RASGRP3: variants seen among roughly 807,000 people sequenced by gnomAD.
RASGRP3 encodes the protein ras guanyl-releasing protein 3.
In RASGRP3, 54 loss-of-function variants were observed where a neutral mutation model predicts 82.7. That is an observed-to-expected ratio of 0.65 (90% CI 0.52 to 0.82). The LOEUF (loss-of-function observed/expected upper bound fraction) is 0.82. Among genes scored for constraint, RASGRP3 ranks in the 40% least tolerant of loss-of-function variants. The pLI is 0.00. For synonymous variants in RASGRP3, 309 were observed against 300.5 expected, an observed-to-expected ratio of 1.03 and a Z score of -0.29; for missense variants, 861 against 828.9, an observed-to-expected ratio of 1.04 and a Z score of -0.48.
At chr2:33,508,037 C>T (rs944199850) in intron 1 of RASGRP3, among the ~76,000 whole-genome samples, 11 of 152,290 alleles carry the variant, frequency 7.2e-5, no homozygotes, top group African/African-American at 2.6e-4. Flanking sequence ...GAAAGATTTA[C>T]TGATCCATTG....
intron 10 of RASGRP3, among the ~76,000 whole-genome samples, chr2:33,529,412 G>A (rs542284912): frequency 5.0e-4 from 73 of 146,014 alleles, no homozygotes; most frequent in African/African-American, 1.7e-3. Flanking sequence ...GAAGAATGGC[G>A]TGAATCCGGG....
rs1671311585 is a variant in RASGRP3 at position 33,515,016 on chromosome 2, C to A, written c.-121C>A. 3.5e-6 allele frequency: 3 copies of A among 859,050 alleles called. No homozygotes were observed. Among genetic ancestry groups the A allele is most frequent in the Non-Finnish European group, 5.7e-6 (3 of 523,976 alleles). 53.2% of individuals were successfully genotyped at this position (859,050 alleles called of 1,614,324 possible). Reference sequence around the variant, plus strand: ...CTTTTTTCTTTTTTTTTAGAGTTTTCTTGAAGTACAACTAAGGACAGGTCA... The same window carrying A: ...CTTTTTTCTTTTTTTTTAGAGTTTTATTGAAGTACAACTAAGGACAGGTCA... On this transcript the variant is annotated 5_prime_UTR_variant, in exon 3 of 18. Coordinates refer to ENST00000403687, the MANE Select transcript of RASGRP3 (RefSeq NM_001139488.2).
At chr2:33,494,073 AACTCACTATTT>A (rs1669092300) in intron 1 of RASGRP3, among the ~76,000 whole-genome samples, 1 of 152,200 alleles carries the variant, frequency 6.6e-6, no homozygotes, top group South Asian at 2.1e-4. Context: ...TTCTTTTACT[AACTCACTATTT>A]ACAACTTAGG....
At chr2:33,503,503 G>A (rs1271188102) in intron 1 of RASGRP3, among the ~76,000 whole-genome samples, 3 of 152,120 alleles carry the variant, frequency 2.0e-5, no homozygotes. Flanking sequence ...AAACAAAAGG[G>A]AATGACAAAG....
chr2:33,469,457 A>G (rs1666924378), intron 2 of RASGRP3, among the ~76,000 whole-genome samples: 1 of 149,398 alleles, frequency 6.7e-6, no homozygotes, highest in African/African-American at 2.5e-5. Context: ...TCAAGTTTGT[A>G]TGTGATTTTT....
At chr2:33,508,661 A>G (rs1670634330) in intron 1 of RASGRP3, among the ~76,000 whole-genome samples, 1 of 152,228 alleles carries the variant, frequency 6.6e-6, no homozygotes, top group Non-Finnish European at 1.5e-5. Context: ...ACGTTTATCG[A>G]GAGGAGAAAA....
In RASGRP3 at chr2:33,507,748, A is replaced by G. The variant is rs192425578; in HGVS notation, c.-260-3962A>G. 8.3e-3 allele frequency among the ~76,000 whole-genome samples: 1,264 copies of G among 151,678 alleles called. 13 individuals carry two copies. The highest frequency in any genetic ancestry group is 0.029 in the African/African-American group (1,193 of 41,334). On this transcript the variant is annotated intron_variant, in intron 1 of 17. Transcript: ENST00000403687. Reference sequence around the variant, plus strand: ...ACCATGTTGGCCAGGCTGGTCTCGAACTCCTGACCTCAAGTGATCCACCCG... The same window carrying G: ...ACCATGTTGGCCAGGCTGGTCTCGAGCTCCTGACCTCAAGTGATCCACCCG...
upstream of RASGRP3, among the ~76,000 whole-genome samples, chr2:33,472,454 G>A (rs1667112342): frequency 1.3e-5 from 2 of 152,120 alleles, no homozygotes; most frequent in African/African-American, 2.4e-5. Context: ...TGGAGGCAAG[G>A]TGATTAATTA....
At chr2:33,541,478 C>G (rs1329580658) in intron 12 of RASGRP3, among the ~76,000 whole-genome samples, 1 of 146,976 alleles carries the variant, frequency 6.8e-6, no homozygotes. Context: ...TCCTGATTGT[C>G]CTCCAGAAAT....
At chr2:33,544,275 T>C (rs992234254) in intron 13 of RASGRP3, among the ~76,000 whole-genome samples, 7 of 152,040 alleles carry the variant, frequency 4.6e-5, no homozygotes, top group Non-Finnish European at 7.4e-5. Context: ...GATAGCACCA[T>C]TGCACCCCAG....
At chr2:33,483,223 T>G in intron 1 of RASGRP3, among the ~76,000 whole-genome samples, 1 of 152,132 alleles carries the variant, frequency 6.6e-6, no homozygotes, top group African/African-American at 2.4e-5. Flanking sequence ...GATTGGTAAT[T>G]TTATTTCCTG....
At chr2:33,469,227 C>T (rs950760546) in intron 2 of RASGRP3, among the ~76,000 whole-genome samples, 6 of 151,976 alleles carry the variant, frequency 3.9e-5, no homozygotes, top group Non-Finnish European at 5.9e-5. Context: ...CTTTACCATA[C>T]GTATTTCACT....
At chr2:33,469,076 G>T (rs762895703) in intron 2 of RASGRP3, among the ~76,000 whole-genome samples, 9 of 151,992 alleles carry the variant, frequency 5.9e-5, no homozygotes, top group Non-Finnish European at 1.2e-4. Flanking sequence ...GTATCTTATC[G>T]TTGTTTAATG....
intron 1 of RASGRP3, among the ~76,000 whole-genome samples, chr2:33,492,430 G>T (rs560774459): frequency 3.0e-4 from 45 of 152,170 alleles, no homozygotes; most frequent in African/African-American, 1.1e-3. Flanking sequence ...CCAGTCCTTG[G>T]TTGAGAGCCT....
At position 33,539,176 on chromosome 2, in the gene RASGRP3, C is replaced by T. The variant is rs200573011; in HGVS notation, c.1244C>T (p.Thr415Met). 15 of 1,609,946 alleles carry T rather than the reference C, an allele frequency of 9.3e-6. No individual in the cohort carries two copies. The highest frequency in any genetic ancestry group is 4.0e-5 in the African/African-American group (3 of 74,882). Residue 415 changes from threonine (T) to methionine (M), a missense_variant, in exon 12 of 18, where the codon ACG (threonine) becomes ATG (methionine). Coordinates refer to ENST00000403687, the MANE Select transcript of RASGRP3 (RefSeq NM_001139488.2). ...ALGVMPKPDP[T>M]VINKHIRKLV... ...GGGGTGATGCCAAAGCCAGACCCCACGGTCATCAACAAGCACATAAGGAAA... is the reference window on the plus strand; with the variant it reads ...GGGGTGATGCCAAAGCCAGACCCCATGGTCATCAACAAGCACATAAGGAAA...
chr2:33,478,819 A>G (rs1342492577), intron 1 of RASGRP3, among the ~76,000 whole-genome samples: 1 of 152,224 alleles, frequency 6.6e-6, no homozygotes, highest in East Asian at 1.9e-4. Flanking sequence ...AACGCTAATA[A>G]CAATCCCTTA....
intron 2 of RASGRP3, among the ~76,000 whole-genome samples, chr2:33,448,345 T>A (rs1665609763): frequency 6.6e-6 from 1 of 152,178 alleles, no homozygotes; most frequent in African/African-American, 2.4e-5. Flanking sequence ...AAACTCTCTG[T>A]GGTACACTAA....
At position 33,563,846 on chromosome 2, in the gene RASGRP3, C is replaced by T. The variant is rs2151133302; in HGVS notation, c.*1109C>T. Reference sequence around the variant, plus strand: ...TTTAAAATATCAATTTTTTAAATAGCTCCCATTTACCCAAAATAACTAGTT... The same window carrying T: ...TTTAAAATATCAATTTTTTAAATAGTTCCCATTTACCCAAAATAACTAGTT... On this transcript the variant is annotated 3_prime_UTR_variant, in exon 18 of 18. Coordinates refer to ENST00000403687, the MANE Select transcript of RASGRP3 (RefSeq NM_001139488.2). The T allele has an allele frequency of 6.6e-6, 1 of 152,196 alleles. No homozygotes were observed. Among genetic ancestry groups the T allele is most frequent in the East Asian group, 1.9e-4 (1 of 5,184 alleles). The allele number at this position is 152,196 out of a possible 1,614,324, so 9.4% of individuals were successfully genotyped here.
chr2:33,530,417 G>A (rs1230476316), intron 10 of RASGRP3, among the ~76,000 whole-genome samples: 5 of 150,954 alleles, frequency 3.3e-5, no homozygotes, highest in South Asian at 4.2e-4. Flanking sequence ...TTTCACATAC[G>A]TTTCCTCAGT....
Sources: allele counts gnomAD v4.1 joint callset (sites outside exome capture counted in the v4.1 genomes callset), GRCh38; gene constraint gnomAD v4.1.1; transcripts MANE v1.5; gene names NCBI Gene and HGNC (gene_info 2026-07-23, HGNC 2026-07-21).